Variants in ANO3 observed in about 807,000 individuals in gnomAD.
ANO3 encodes anoctamin 3.
A neutral mutation model predicts 144.8 loss-of-function variants in ANO3; 99 were observed. The observed-to-expected ratio is 0.68, with a 90% CI of 0.58 to 0.81. The LOEUF is 0.81. ANO3 is among the 30% of genes least tolerant of loss of function. The pLI is 0.00. For missense variants in ANO3, 905 were observed against 1,202.2 expected, an observed-to-expected ratio of 0.75 and a Z score of 3.66; for synonymous variants, 414 against 392.6, an observed-to-expected ratio of 1.05 and a Z score of -0.64.
At chr11:26,307,919 C>T (rs1481241639), upstream of ANO3, among the ~76,000 whole-genome samples, 1 of 152,156 alleles carries the variant, frequency 6.6e-6, no homozygotes, top group African/African-American at 2.4e-5. Flanking sequence ...CTTCATCTCA[C>T]AAAGTCTTTG....
intron 1 of ANO3, among the ~76,000 whole-genome samples, chr11:26,233,274 G>A (rs779581080): frequency 6.6e-6 from 1 of 150,908 alleles, no homozygotes; most frequent in Non-Finnish European, 1.5e-5. Flanking sequence ...CCATCAAAAA[G>A]TGGGCAAAGG....
intron 1 of ANO3, among the ~76,000 whole-genome samples, chr11:26,320,854 C>T (rs1268750350): frequency 1.3e-5 from 2 of 151,962 alleles, no homozygotes; most frequent in Admixed American, 1.3e-4. Context: ...TTATTTCTAC[C>T]AATGTACATA....
chr11:26,465,124 TTGTGTGTGTGTGTGTG>T (rs36230269), intron 4 of ANO3, among the ~76,000 whole-genome samples: 7 of 145,402 alleles, frequency 4.8e-5, no homozygotes, highest in East Asian at 4.1e-4. Flanking sequence ...CATCATTAAA[TTGTGTGTGTGTGTGTG>T]TGTGTGTGTG....
At chr11:26,264,404 T>G (rs559165134) in intron 1 of ANO3, among the ~76,000 whole-genome samples, 1 of 152,146 alleles carries the variant, frequency 6.6e-6, no homozygotes, top group Non-Finnish European at 1.5e-5. Context: ...ACACAAGTAA[T>G]ACAGCAAAGG....
chr11:26,290,238 C>T (rs377511233), intron 1 of ANO3, among the ~76,000 whole-genome samples: 1 of 151,854 alleles, frequency 6.6e-6, no homozygotes, highest in African/African-American at 2.4e-5. Flanking sequence ...TTTGTATTTC[C>T]GTGGGATCAG....
At chr11:26,373,123 T>C (rs547513994) in intron 1 of ANO3, among the ~76,000 whole-genome samples, 1 of 152,262 alleles carries the variant, frequency 6.6e-6, no homozygotes, top group South Asian at 2.1e-4. Flanking sequence ...CACATATAAA[T>C]GTAAATGATG....
chr11:26,252,427 C>A (rs1287042141), intron 1 of ANO3, among the ~76,000 whole-genome samples: 2 of 152,150 alleles, frequency 1.3e-5, no homozygotes, highest in African/African-American at 2.4e-5. Context: ...AGTAAGAACT[C>A]TGAGAACAGG....
chr11:26,395,931 A>C (rs944497211), intron 1 of ANO3, among the ~76,000 whole-genome samples: 21 of 152,206 alleles, frequency 1.4e-4, no homozygotes, highest in Admixed American at 6.5e-4. Context: ...ACAAAAGCCA[A>C]AATTGACAAA....
intron 3 of ANO3, among the ~76,000 whole-genome samples, chr11:26,455,553 C>T (rs1422132190): frequency 2.6e-5 from 4 of 152,170 alleles, no homozygotes; most frequent in Non-Finnish European, 5.9e-5. Context: ...CTACAAACCA[C>T]TGCTCAATGA....
At chr11:26,643,474 G>T in intron 23 of ANO3, 140 bp downstream of exon 23, 1 of 1,061,180 alleles carries the variant, frequency 9.4e-7, no homozygotes. Flanking sequence ...TGATTAAGCT[G>T]GCCGGGCGTG....
intron 1 of ANO3, among the ~76,000 whole-genome samples, chr11:26,424,421 G>A (rs1004867068): frequency 2.6e-5 from 4 of 151,758 alleles, no homozygotes; most frequent in African/African-American, 7.3e-5. Context: ...CAATTTATAT[G>A]TATGCACATA....
At chr11:26,657,352 T>G (rs1056814953) in intron 26 of ANO3, among the ~76,000 whole-genome samples, 1 of 152,166 alleles carries the variant, frequency 6.6e-6, no homozygotes, top group Non-Finnish European at 1.5e-5. Context: ...TTTAACGACT[T>G]TGCACCTATA....
chr11:26,522,214 C>A lies in ANO3; in HGVS notation c.693-3421C>A, dbSNP rs573408552. Among the ~76,000 whole-genome samples the A allele has an allele frequency of 6.8e-4, 102 of 150,870 alleles. 1 individual carries two copies. The highest frequency in any genetic ancestry group is 2.1e-3 in the South Asian group (10 of 4,770). On this transcript the variant is annotated intron_variant, in intron 6 of 26. Transcript: ENST00000256737. ...AAACAAACAGCAACAACAACAACAA[C>A]AAAAAAAAAACATTAAGAGCAATCA... is the stretch of plus-strand genomic sequence containing the variant.
chr11:26,583,370 A>C (rs1851185259), intron 14 of ANO3, among the ~76,000 whole-genome samples: 1 of 152,188 alleles, frequency 6.6e-6, no homozygotes, highest in Non-Finnish European at 1.5e-5. Flanking sequence ...GAAATGAAGG[A>C]AAGGGAAATT....
chr11:26,320,806 A>C (rs2133878846), intron 1 of ANO3, among the ~76,000 whole-genome samples: 1 of 152,288 alleles, frequency 6.6e-6, no homozygotes, highest in East Asian at 1.9e-4. Context: ...ACCTGGAATC[A>C]CTTTGACCAC....
At chr11:26,407,686 A>G (rs761372612) in intron 1 of ANO3, among the ~76,000 whole-genome samples, 3 of 151,762 alleles carry the variant, frequency 2.0e-5, no homozygotes, top group East Asian at 1.9e-4. Context: ...GAATTAAACC[A>G]TGTCACTCTG....
At chr11:26,450,599 T>C (rs1295049534) in intron 3 of ANO3, among the ~76,000 whole-genome samples, 1 of 152,220 alleles carries the variant, frequency 6.6e-6, no homozygotes, top group African/African-American at 2.4e-5. Flanking sequence ...CAGTTTCAGG[T>C]ACCAACCCTG....
At chr11:26,397,891 C>A (rs1166304527) in intron 1 of ANO3, among the ~76,000 whole-genome samples, 2 of 150,050 alleles carry the variant, frequency 1.3e-5, no homozygotes, top group African/African-American at 4.9e-5. Flanking sequence ...TTTGTCCAAT[C>A]TCTTGTGGAG....
At chr11:26,281,452 T>C (rs1853677674) in intron 1 of ANO3, among the ~76,000 whole-genome samples, 1 of 152,170 alleles carries the variant, frequency 6.6e-6, no homozygotes, top group Admixed American at 6.5e-5. Flanking sequence ...TTTTATTAGC[T>C]AAGAACCTGT....
Sources: gnomAD v4.1 joint callset for allele counts (sites outside exome capture counted in the v4.1 genomes callset) on GRCh38, gnomAD v4.1.1 for gene constraint, MANE v1.5 for transcripts, NCBI Gene and HGNC (gene_info 2026-07-23, HGNC 2026-07-21) for gene names.